Variants in COL4A3 observed in about 807,000 individuals in gnomAD.
COL4A3 encodes the protein collagen type IV alpha 3 chain, also known as collagen alpha-3(IV) chain.
Under a neutral mutation model 217.4 loss-of-function variants are expected in COL4A3, and 135 were observed. That is an observed-to-expected ratio of 0.62 (90% CI 0.54 to 0.72). The LOEUF (loss-of-function observed/expected upper bound fraction) is 0.72, where lower values mean the gene tolerates loss of function less well. Ranked by LOEUF, COL4A3 falls within the 30% of genes least tolerant of loss-of-function variation. COL4A3 has a pLI of 0.00. For missense variants in COL4A3, 1,868 were observed against 2,119.9 expected (o/e 0.88, Z 2.33); for synonymous variants, 690 against 736.3 (o/e 0.94, Z 1.02).
chr2:227,270,070 C>T, intron 24 of COL4A3, 90 bp downstream of exon 24: 1 of 1,076,998 alleles, frequency 9.3e-7, no homozygotes, highest in Non-Finnish European at 1.4e-6. Flanking sequence ...CAGTTTGGTG[C>T]CTTGCAAACA....
chr2:227,229,305 A>G (rs1225735852), intron 1 of COL4A3, among the ~76,000 whole-genome samples: 1 of 152,184 alleles, frequency 6.6e-6, no homozygotes, highest in Non-Finnish European at 1.5e-5. Context: ...TCTCTAACCA[A>G]TATTTTGTTA....
intron 28 of COL4A3, among the ~76,000 whole-genome samples, chr2:227,278,684 A>G (rs1574771058): frequency 1.3e-5 from 2 of 152,190 alleles, no homozygotes; most frequent in East Asian, 1.9e-4. Context: ...ACCCTGCATT[A>G]ATAAATTACA....
rs557117826 is a variant in COL4A3, at chr2:227,272,204, T to G, written c.1759-745T>G. 7.9e-5 allele frequency among the ~76,000 whole-genome samples: 12 copies of G among 152,314 alleles called. No homozygotes were observed. In the South Asian group the frequency reaches 2.5e-3, roughly 32 times the overall value. ...CTGATGGTCTAATATTAAGAGAATT[T>G]GTATGATGTCCCTACTTGCATCTCA... is the stretch of plus-strand genomic sequence containing the variant. On this transcript the variant is annotated intron_variant, in intron 25 of 51. Transcript: ENST00000396578.
intron 1 of COL4A3, among the ~76,000 whole-genome samples, chr2:227,209,710 T>C (rs562640314): frequency 3.8e-4 from 58 of 152,092 alleles, no homozygotes; most frequent in Non-Finnish European, 7.8e-4. Context: ...GGTGTGGTGG[T>C]AGGTGCCTGT....
chr2:227,202,248 T>G (rs1488858984), intron 1 of COL4A3, among the ~76,000 whole-genome samples: 2 of 152,318 alleles, frequency 1.3e-5, no homozygotes, highest in East Asian at 3.9e-4. Context: ...CGGAGAGCTA[T>G]GTAATTTACA....
Position 227,191,558 on chromosome 2 carries a change from G to A in COL4A3, c.87+26745G>A, listed in dbSNP as rs1251726238. Reference sequence around the variant, plus strand: ...CAAGGATTCAAAGAACCTGCCAAGGGGCTGCAATGGGAGATTACAGTGACT... The same window carrying A: ...CAAGGATTCAAAGAACCTGCCAAGGAGCTGCAATGGGAGATTACAGTGACT... On this transcript the variant is annotated intron_variant, in intron 1 of 51. Transcript: ENST00000396578. This position sits in a 1 kb window ranked among gnomAD's most constrained non-coding sequence, Gnocchi z 6.8. 6.6e-6 allele frequency among the ~76,000 whole-genome samples: 1 copy of A among 152,086 alleles called. No individual in the cohort carries two copies. Among genetic ancestry groups the A allele is most frequent in the Non-Finnish European group, 1.5e-5 (1 of 68,032 alleles).
intron 25 of COL4A3, among the ~76,000 whole-genome samples, chr2:227,272,733 T>A (rs2071316444): frequency 6.6e-6 from 1 of 152,192 alleles, no homozygotes; most frequent in Non-Finnish European, 1.5e-5. Context: ...CTCAAGACAG[T>A]TCCAAGTTCA....
chr2:227,298,566 G>A, intron 42 of COL4A3, 116 bp from the exon 43 acceptor site: 3 of 1,434,334 alleles, frequency 2.1e-6, no homozygotes, highest in East Asian at 4.7e-5. Flanking sequence ...CCAGGGGAAA[G>A]AATGTTTGTG....
At chr2:227,213,085 C>T (rs543758944) in intron 1 of COL4A3, among the ~76,000 whole-genome samples, 2 of 152,332 alleles carry the variant, frequency 1.3e-5, no homozygotes, top group South Asian at 4.1e-4. Context: ...TCCTTTCATC[C>T]TGACCCAACT....
intron 38 of COL4A3, chr2:227,293,888 G>A: frequency 2.3e-6 from 1 of 426,474 alleles, no homozygotes; most frequent in South Asian, 1.7e-5. Flanking sequence ...CACTCACATT[G>A]GATTAGGGCC....
intron 1 of COL4A3, among the ~76,000 whole-genome samples, chr2:227,230,491 T>C (rs1288457332): frequency 6.6e-6 from 1 of 152,180 alleles, no homozygotes; most frequent in African/African-American, 2.4e-5. Flanking sequence ...GAAATATCCA[T>C]TAGTTATGCT....
intron 47 of COL4A3, among the ~76,000 whole-genome samples, chr2:227,307,465 A>G (rs1438165682): frequency 2.0e-5 from 3 of 152,230 alleles, no homozygotes; most frequent in Admixed American, 6.5e-5. Flanking sequence ...AGAGGAATTC[A>G]AAGATAAAGA....
chr2:227,186,376 T>G (rs2066032669), intron 1 of COL4A3, among the ~76,000 whole-genome samples: 1 of 152,138 alleles, frequency 6.6e-6, no homozygotes, highest in Admixed American at 6.5e-5. Context: ...CCACTGGGAA[T>G]TAAGGGGAGA....
At chr2:227,263,607 C>A (rs2070723721) in intron 20 of COL4A3, among the ~76,000 whole-genome samples, 173 bp from the exon 21 acceptor site, 1 of 152,126 alleles carries the variant, frequency 6.6e-6, no homozygotes, top group African/African-American at 2.4e-5. Flanking sequence ...GGTTATTTAA[C>A]AAGGCCACAG....
chr2:227,277,208 A>T (rs1222550013), intron 27 of COL4A3, among the ~76,000 whole-genome samples: 1 of 151,790 alleles, frequency 6.6e-6, no homozygotes, highest in Non-Finnish European at 1.5e-5. Context: ...GGTCCCAGCT[A>T]CTCGGGAGGC....
At position 227,286,230 on chromosome 2, in the gene COL4A3, G is replaced by A. The variant is rs149917898; in HGVS notation, c.2881+1885G>A. ...GAGTAGGCTGGGCACAGTGGCTCAC[G>A]GCTGTAATCCCAGTATTTTGGGAGG... On this transcript the variant is annotated intron_variant, in intron 34 of 51. Coordinates refer to ENST00000396578, the MANE Select transcript of COL4A3 (RefSeq NM_000091.5). Among the ~76,000 whole-genome samples the A allele has an allele frequency of 4.7e-3, 715 of 151,922 alleles. 10 individuals are homozygous for A. Among genetic ancestry groups the A allele is most frequent in the African/African-American group, 0.017 (685 of 41,410 alleles).
At chr2:227,202,289 A>C (rs1198581824) in intron 1 of COL4A3, among the ~76,000 whole-genome samples, 1 of 152,102 alleles carries the variant, frequency 6.6e-6, no homozygotes, top group African/African-American at 2.4e-5. Context: ...GGCTGTCCCC[A>C]TGCCTTTTTT....
intron 1 of COL4A3, among the ~76,000 whole-genome samples, chr2:227,188,144 A>G (rs1011166514): frequency 3.3e-5 from 5 of 152,206 alleles, no homozygotes; most frequent in African/African-American, 1.2e-4. Flanking sequence ...CTACTCCAGT[A>G]GAAAAGTATG....
At chr2:227,258,657 G>A (rs1212291741) in intron 18 of COL4A3, among the ~76,000 whole-genome samples, 1 of 152,156 alleles carries the variant, frequency 6.6e-6, no homozygotes, top group Non-Finnish European at 1.5e-5. Flanking sequence ...TCCCATTAAT[G>A]AGAGAGAAAC....
Sources: gnomAD v4.1 joint callset for allele counts (sites outside exome capture counted in the v4.1 genomes callset) on GRCh38, gnomAD v4.1.1 for gene constraint, Gnocchi (gnomAD v3.1) non-coding constraint, MANE v1.5 for transcripts, NCBI Gene and HGNC (gene_info 2026-07-23, HGNC 2026-07-21) for gene names.